FAM210A: variants seen among roughly 807,000 people sequenced by gnomAD.
FAM210A encodes the protein family with sequence similarity 210 member A.
FAM210A carries 13 observed loss-of-function variants against 25.3 expected under a neutral mutation model. The observed-to-expected ratio is 0.51, with a 90% CI of 0.33 to 0.82. The LOEUF (loss-of-function observed/expected upper bound fraction) is 0.82, where lower values mean the gene tolerates loss of function less well. Among genes scored for constraint, FAM210A ranks in the 40% least tolerant of loss-of-function variants. The pLI is 0.02. For missense variants in FAM210A, 319 were observed against 323.2 expected (o/e 0.99, Z 0.10); for synonymous variants, 125 against 118.7 (o/e 1.05, Z -0.35).
chr18:13,693,794 T>C (rs911003664), intron 1 of FAM210A, among the ~76,000 whole-genome samples: 2 of 152,100 alleles, frequency 1.3e-5, no homozygotes, highest in Non-Finnish European at 2.9e-5. Flanking sequence ...GAGCAAAAAC[T>C]GGAAGCATTC....
At chr18:13,677,414 G>A (rs548324978) in intron 2 of FAM210A, among the ~76,000 whole-genome samples, 10 of 152,310 alleles carry the variant, frequency 6.6e-5, no homozygotes, top group African/African-American at 1.4e-4. Flanking sequence ...GGGGGTCCGC[G>A]TGAGAGGGTC....
chr18:13,691,327 A>G (rs1039030188), intron 1 of FAM210A, among the ~76,000 whole-genome samples: 1 of 152,248 alleles, frequency 6.6e-6, no homozygotes, highest in African/African-American at 2.4e-5. Flanking sequence ...GTGGGAAAAC[A>G]TTCTTCAGGA....
intron 2 of FAM210A, among the ~76,000 whole-genome samples, chr18:13,677,709 C>T (rs1031384190): frequency 6.6e-6 from 1 of 152,006 alleles, no homozygotes; most frequent in Non-Finnish European, 1.5e-5. Flanking sequence ...TGGTCTCCTC[C>T]CTTATTAGTA....
chr18:13,703,694 T>C (rs990940684), intron 1 of FAM210A, among the ~76,000 whole-genome samples: 3 of 152,234 alleles, frequency 2.0e-5, no homozygotes, highest in Admixed American at 1.3e-4. Flanking sequence ...TGTAGTTATA[T>C]ATGTGTTGTG....
At chr18:13,714,324 C>A (rs920232165) in intron 1 of FAM210A, among the ~76,000 whole-genome samples, 2 of 151,954 alleles carry the variant, frequency 1.3e-5, no homozygotes, top group East Asian at 1.9e-4. Context: ...CTGCAGGATA[C>A]CTTCGAAAGA....
At chr18:13,711,909 C>T (rs929200533) in intron 1 of FAM210A, among the ~76,000 whole-genome samples, 1 of 152,164 alleles carries the variant, frequency 6.6e-6, no homozygotes, top group Non-Finnish European at 1.5e-5. Flanking sequence ...TTGTCCAAGA[C>T]AAAAAGCTGT....
At position 13,666,001 on chromosome 18, in the gene FAM210A, C is replaced by CA. The variant is rs2043398113; in HGVS notation, c.*478dup. The CA allele has an allele frequency of 6.4e-6, 1 of 157,026 alleles. No homozygotes were observed. The highest frequency in any genetic ancestry group is 6.1e-5 in the Admixed American group (1 of 16,402). 9.7% of individuals were successfully genotyped at this position (157,026 alleles called of 1,614,324 possible). A position where few individuals can be genotyped will look rare whatever the true frequency, so the allele number is the denominator to read the frequency against. On this transcript the variant is annotated 3_prime_UTR_variant, in exon 4 of 4. Coordinates refer to ENST00000651643, the MANE Select transcript of FAM210A (RefSeq NM_152352.4). ...ATTCTGTTTTTATAGAAAGACTAAACACCTTATTTACAGGCAGTTTTGATG... is the reference window on the plus strand; with the variant it reads ...ATTCTGTTTTTATAGAAAGACTAAACAACCTTATTTACAGGCAGTTTTGATG...
At chr18:13,705,828 A>C (rs770778972) in intron 1 of FAM210A, among the ~76,000 whole-genome samples, 46 of 152,306 alleles carry the variant, frequency 3.0e-4, no homozygotes, top group Non-Finnish European at 5.7e-4. Flanking sequence ...GCCTGAGAAG[A>C]CCATGAAAGC....
At chr18:13,707,441 C>A (rs754055140) in intron 1 of FAM210A, among the ~76,000 whole-genome samples, 3 of 152,240 alleles carry the variant, frequency 2.0e-5, no homozygotes, top group Non-Finnish European at 4.4e-5. Flanking sequence ...ACAGGACATT[C>A]TGGCATAAGG....
intron 1 of FAM210A, among the ~76,000 whole-genome samples, chr18:13,708,956 T>G (rs986592276): frequency 1.3e-5 from 2 of 152,190 alleles, no homozygotes; most frequent in African/African-American, 4.8e-5. Flanking sequence ...ATCTGTTTCT[T>G]CCACAGCCAC....
At chr18:13,672,969 T>C (rs1444610397) in intron 2 of FAM210A, among the ~76,000 whole-genome samples, 6 of 152,328 alleles carry the variant, frequency 3.9e-5, no homozygotes, top group Middle Eastern at 3.4e-3. Flanking sequence ...CGTTTCCAGC[T>C]TCCTGATTAT....
At chr18:13,698,244 C>T (rs779288399) in intron 1 of FAM210A, among the ~76,000 whole-genome samples, 20 of 147,822 alleles carry the variant, frequency 1.4e-4, no homozygotes, top group Admixed American at 2.8e-4. Context: ...CCTAGCTACT[C>T]GGGAGGCTGA....
chr18:13,690,018 C>T (rs921485822), intron 1 of FAM210A, among the ~76,000 whole-genome samples: 3 of 152,196 alleles, frequency 2.0e-5, no homozygotes, highest in Non-Finnish European at 2.9e-5. Flanking sequence ...AAAGGGAAGC[C>T]GTGACAGACG....
intron 1 of FAM210A, among the ~76,000 whole-genome samples, chr18:13,722,246 C>T (rs902840745): frequency 1.1e-4 from 17 of 151,592 alleles, no homozygotes; most frequent in Non-Finnish European, 2.2e-4. Flanking sequence ...CCGCTGTCCC[C>T]CATGATGGCA....
At chr18:13,681,407 C>G (rs570599970) in intron 2 of FAM210A, among the ~76,000 whole-genome samples, 198 bp downstream of exon 2, 1 of 152,150 alleles carries the variant, frequency 6.6e-6, no homozygotes, top group African/African-American at 2.4e-5. Context: ...TAAGATGAAA[C>G]AGTTAAAAAC....
intron 2 of FAM210A, among the ~76,000 whole-genome samples, chr18:13,680,733 A>G (rs2149056315): frequency 6.6e-6 from 1 of 152,300 alleles, no homozygotes; most frequent in South Asian, 2.1e-4. Context: ...CAATTAGGAG[A>G]GTTTACTGAA....
At chr18:13,702,361 G>A (rs76694033) in intron 1 of FAM210A, among the ~76,000 whole-genome samples, 1,733 of 152,340 alleles carry the variant, frequency 0.011, 34 homozygotes, top group African/African-American at 0.04. Flanking sequence ...CTGTCATAAA[G>A]ACAGCTAACT....
chr18:13,700,808 T>C lies in FAM210A; in HGVS notation c.-28-18703A>G, dbSNP rs149188371. ...AACTTAGGAGTATGCACCTGTACAATAGCTGAGTCTTGACCAATTCCAGTG... is the reference window on the plus strand; with the variant it reads ...AACTTAGGAGTATGCACCTGTACAACAGCTGAGTCTTGACCAATTCCAGTG... On this transcript the variant is annotated intron_variant, in intron 1 of 3. Coordinates refer to ENST00000651643, the MANE Select transcript of FAM210A (RefSeq NM_152352.4). 6.6e-5 allele frequency among the ~76,000 whole-genome samples: 10 copies of C among 152,324 alleles called. No individual in the cohort carries two copies. In the East Asian group the frequency reaches 1.7e-3, roughly 26 times the overall value.
intron 1 of FAM210A, among the ~76,000 whole-genome samples, chr18:13,710,674 C>T (rs930849530): frequency 6.6e-6 from 1 of 152,116 alleles, no homozygotes; most frequent in African/African-American, 2.4e-5. Flanking sequence ...ACTCATGACT[C>T]AACCAGTCCT....
Sources: allele counts gnomAD v4.1 joint callset (sites outside exome capture counted in the v4.1 genomes callset), GRCh38; gene constraint gnomAD v4.1.1; transcripts MANE v1.5; gene names NCBI Gene and HGNC (gene_info 2026-07-23, HGNC 2026-07-21).